MRPL40: variants seen among roughly 807,000 people sequenced by gnomAD.
MRPL40 encodes mitochondrial ribosomal protein L40, also known as large ribosomal subunit protein mL40.
MRPL40 carries 18 observed loss-of-function variants against 24.5 expected under a neutral mutation model. That is an observed-to-expected ratio of 0.73 (90% CI 0.51 to 1.09). The LOEUF (loss-of-function observed/expected upper bound fraction) is 1.09. MRPL40 is among the 50% of genes least tolerant of loss of function. The pLI is 0.00. For missense variants in MRPL40, 256 were observed against 243.8 expected, an observed-to-expected ratio of 1.05 and a Z score of -0.33; for synonymous variants, 108 against 94.6, an observed-to-expected ratio of 1.14 and a Z score of -0.82.
At chr22:19,432,903 T>A (rs748425591) in intron 1 of MRPL40, 3 of 1,259,740 alleles carry the variant, frequency 2.4e-6, no homozygotes, top group Admixed American at 3.8e-5. Flanking sequence ...CAATTTTTTA[T>A]TTTCCTGTGA....
Position 19,434,823 on chromosome 22 carries a change from G to A in MRPL40, c.225G>A (p.Leu75=). The change falls in exon 3 of 4, where the codon CTG becomes CTA. Residue 75 remains leucine (L), a synonymous_variant. Transcript: ENST00000333130. ...GCTTGAAAAGGAAGATCCGAAAACTGGAAAAGGCTACTCAAGAGCTAATTC... is the reference window on the plus strand; with the variant it reads ...GCTTGAAAAGGAAGATCCGAAAACTAGAAAAGGCTACTCAAGAGCTAATTC... The part of the protein sequence containing the change: ...KERLKRKIRK[L]EKATQELIPI... 3.7e-6 allele frequency: 6 copies of A among 1,612,444 alleles called. No homozygotes were observed. The highest frequency in any genetic ancestry group is 5.1e-6 in the Non-Finnish European group (6 of 1,179,616).
At position 19,435,679 on chromosome 22, in the gene MRPL40, G is replaced by T. The variant is rs749943929; in HGVS notation, c.338G>T (p.Arg113Met). The T allele has an allele frequency of 6.2e-7, 1 of 1,614,120 alleles. No individual in the cohort carries two copies. Among genetic ancestry groups the T allele is most frequent in the Non-Finnish European group, 8.5e-7 (1 of 1,180,000 alleles). ...QVELTFEETE[R>M]RALLLKKWSL... ...GAGCTCACCTTTGAGGAGACTGAGA[G>T]GAGAGCTCTGCTTCTGAAGAAGTGG... Residue 113 changes from arginine to methionine, a missense_variant, in exon 4 of 4, where the codon AGG becomes ATG. By Grantham distance (91) the Arg-to-Met change is moderately conservative. Coordinates refer to ENST00000333130, the MANE Select transcript of MRPL40 (RefSeq NM_003776.4).
At position 19,435,895 on chromosome 22, in the gene MRPL40, A is replaced by G. The variant is rs1382473777; in HGVS notation, c.554A>G (p.Tyr185Cys). 7.4e-6 allele frequency: 12 copies of G among 1,614,134 alleles called. 1 individual carries two copies. The East Asian group carries it at 2.7e-4, about 36-fold the overall frequency. ...CATTACACACCACCGATCCCTAACTACCAACCCCCTGAAGGCAGGTACAAT... is the reference window on the plus strand; with the variant it reads ...CATTACACACCACCGATCCCTAACTGCCAACCCCCTGAAGGCAGGTACAAT... Reference protein sequence around the residue: ...GPHYTPPIPNYQPPEGRYNDI... With the variant: ...GPHYTPPIPNCQPPEGRYNDI... The change falls in exon 4 of 4, where the codon TAC becomes TGC. Residue 185 changes from tyrosine to cysteine, a missense_variant. By Grantham distance (194) the Tyr-to-Cys change is radical (BLOSUM62 -2). Coordinates refer to ENST00000333130, the MANE Select transcript of MRPL40 (RefSeq NM_003776.4).
At position 19,435,636 on chromosome 22, in the gene MRPL40, A is replaced by G. The variant is rs773331770; in HGVS notation, c.297-2A>G. The G allele has an allele frequency of 5.0e-6, 8 of 1,608,844 alleles. No homozygotes were observed. The highest frequency in any genetic ancestry group is 2.7e-5 in the African/African-American group (2 of 74,646). Reference sequence around the variant, plus strand: ...GATTGGTAACCCTTAGCTTCTTTGCAGAGAGCGGCCTCAGGTGGAGCTCAC... The same window carrying G: ...GATTGGTAACCCTTAGCTTCTTTGCGGAGAGCGGCCTCAGGTGGAGCTCAC... On this transcript the variant is annotated splice_acceptor_variant, in intron 3 of 3. Coordinates refer to ENST00000333130, the MANE Select transcript of MRPL40 (RefSeq NM_003776.4). LOFTEE classifies it high-confidence loss of function.
At position 19,433,257 on chromosome 22, in the gene MRPL40, T is replaced by C. The variant is rs1429751262; in HGVS notation, c.54-8T>C. On this transcript the variant is annotated splice_polypyrimidine_tract_variant and splice_region_variant and intron_variant, in intron 1 of 3. Coordinates refer to ENST00000333130, the MANE Select transcript of MRPL40 (RefSeq NM_003776.4). ...GCAGATATTTATACATACTCTTGTATCTTTCAGGCTTCTGGGAACTTGGCA... is the reference window on the plus strand; with the variant it reads ...GCAGATATTTATACATACTCTTGTACCTTTCAGGCTTCTGGGAACTTGGCA... 6.3e-7 allele frequency: 1 copy of C among 1,597,606 alleles called. No individual in the cohort carries two copies. Among genetic ancestry groups the C allele is most frequent in the South Asian group, 1.1e-5 (1 of 90,676 alleles).
rs911832293 is a variant in MRPL40 at position 19,436,059 on chromosome 22, T to C, written c.*97T>C. 24 of 1,084,858 alleles carry C rather than the reference T, an allele frequency of 2.2e-5. No individual in the cohort carries two copies. The highest frequency in any genetic ancestry group is 3.2e-5 in the African/African-American group (2 of 63,156). The allele number at this position is 1,084,858 out of a possible 1,614,324, so 67.2% of individuals were successfully genotyped here. Reference sequence around the variant, plus strand: ...CAGAATCAGGCATGCTGTTAATAAATACTGGTTTAATCAAAATGCTCCTTT... The same window carrying C: ...CAGAATCAGGCATGCTGTTAATAAACACTGGTTTAATCAAAATGCTCCTTT... On this transcript the variant is annotated 3_prime_UTR_variant, in exon 4 of 4. Coordinates refer to ENST00000333130, the MANE Select transcript of MRPL40 (RefSeq NM_003776.4).
rs77131689 is a variant in MRPL40, at chr22:19,435,833, G to T, written c.492G>T (p.Arg164=). The T allele has an allele frequency of 1.3e-3, 2,112 of 1,614,170 alleles. 40 individuals are homozygous for T. The East Asian group carries it at 0.042, about 32-fold the overall frequency. Residue 164 remains arginine (R), a synonymous_variant, in exon 4 of 4, where the codon CGG becomes CGT. Transcript: ENST00000333130. ...SPKLHAEAIK[R]DPNLFPFEKE... is the part of the protein sequence containing the mutation. The stretch of plus-strand genomic sequence containing the variant: ...AGCTCCATGCTGAGGCCATCAAGCG[G>T]GATCCTAACCTGTTCCCCTTTGAGA...
intron 2 of MRPL40, among the ~76,000 whole-genome samples, 188 bp downstream of exon 2, chr22:19,433,536 T>A (rs888689931): frequency 3.9e-5 from 6 of 152,236 alleles, no homozygotes; most frequent in African/African-American, 1.4e-4. Flanking sequence ...TTGTAATTTT[T>A]AAAATTTGAG....
At chr22:19,434,668 C>A (rs771844107) in intron 2 of MRPL40, 68 bp from the exon 3 acceptor site, 19 of 1,352,962 alleles carry the variant, frequency 1.4e-5, no homozygotes, top group Non-Finnish European at 1.8e-5. Flanking sequence ...GGGGTACTTA[C>A]CATCTTGTCT....
intron 2 of MRPL40, among the ~76,000 whole-genome samples, chr22:19,433,706 G>A (rs9606017): frequency 0.36 from 54,775 of 152,020 alleles, 12,053 homozygotes; most frequent in Non-Finnish European, 0.48. Context: ...ATTTCCATCT[G>A]GCACTCTCGA....
chr22:19,433,445 A>C, intron 2 of MRPL40, 97 bp downstream of exon 2: 1 of 685,478 alleles, frequency 1.5e-6, no homozygotes. Context: ...TTGCAAAATT[A>C]ACAGCCTACA....
Sources: allele counts gnomAD v4.1 joint callset (sites outside exome capture counted in the v4.1 genomes callset), GRCh38; gene constraint gnomAD v4.1.1; transcripts MANE v1.5; gene names NCBI Gene and HGNC (gene_info 2026-07-23, HGNC 2026-07-21).